The following DNAH6 variants were observed in gnomAD, a reference collection of about 807,000 sequenced individuals.
DNAH6 encodes the protein axonemal beta dynein heavy chain 6.
DNAH6 carries 340 observed loss-of-function variants against 491.4 expected under a neutral mutation model. That is an observed-to-expected ratio of 0.69 (90% CI 0.63 to 0.76). The LOEUF is 0.76. DNAH6 is among the 30% of genes least tolerant of loss of function. DNAH6 has a pLI of 0.00. For missense variants in DNAH6, 4,443 were observed against 4,972.2 expected (o/e 0.89, Z 3.20); for synonymous variants, 1,603 against 1,686.1 (o/e 0.95, Z 1.21).
intron 16 of DNAH6, among the ~76,000 whole-genome samples, chr2:84,589,811 C>T (rs747618412): frequency 7.3e-5 from 11 of 151,352 alleles, no homozygotes; most frequent in South Asian, 4.2e-4. Context: ...GTGCTTTCAA[C>T]GGCTTTTAGA....
intron 68 of DNAH6, among the ~76,000 whole-genome samples, chr2:84,792,022 AC>A (rs1192062084): frequency 1.5e-4 from 23 of 152,364 alleles, no homozygotes; most frequent in African/African-American, 5.3e-4. Context: ...TATCGTATAT[AC>A]ATACAATGGA....
At chr2:84,574,435 T>G (rs931352709) in intron 12 of DNAH6, among the ~76,000 whole-genome samples, 8 of 152,230 alleles carry the variant, frequency 5.3e-5, no homozygotes, top group African/African-American at 1.9e-4. Flanking sequence ...TATCTTAACT[T>G]ATTCCATTTT....
Position 84,808,471 on chromosome 2 carries a change from C to T in DNAH6, c.11668C>T (p.Arg3890Cys), listed in dbSNP as rs557825648. 7.4e-5 allele frequency: 115 copies of T among 1,549,970 alleles called. 2 individuals are homozygous for T. The South Asian group carries it at 8.5e-4, about 11-fold the overall frequency. Reference protein sequence around the residue: ...ESLFVKDLQGRLNSLTTVLGQ... With the variant: ...ESLFVKDLQGCLNSLTTVLGQ... ...CCTTTTTGTCAAGGATCTTCAAGGA[C>T]GTCTGAACTCCTTGACCACCGTTCT... Residue 3890 changes from arginine (R) to cysteine (C), a missense_variant, in exon 72 of 77, where the codon CGT (arginine) becomes TGT (cysteine). Arg to Cys is a radical substitution (Grantham distance 180). Around this residue, in one of 3 missense-constraint regions of DNAH6, gnomAD observed 1,463 missense variants for 1,656.6 expected, o/e 0.88. Transcript: ENST00000389394.
At chr2:84,626,190 A>G (rs1249547323) in intron 29 of DNAH6, among the ~76,000 whole-genome samples, 5 of 152,054 alleles carry the variant, frequency 3.3e-5, no homozygotes, top group Admixed American at 3.3e-4. Context: ...AACTGTAAAA[A>G]CATACATTTG....
intron 26 of DNAH6, 133 bp downstream of exon 26, chr2:84,621,684 A>G (rs759967158): frequency 4.8e-5 from 26 of 537,646 alleles, no homozygotes; most frequent in Non-Finnish European, 8.0e-5. Flanking sequence ...AGCTCTTACA[A>G]AGCTTTACAA....
At chr2:84,568,658 G>A (rs1362823508) in intron 11 of DNAH6, among the ~76,000 whole-genome samples, 2 of 152,006 alleles carry the variant, frequency 1.3e-5, no homozygotes, top group East Asian at 3.9e-4. Context: ...AACCACCATG[G>A]CATACATTTA....
In DNAH6 at chr2:84,767,583, A is replaced by T. The variant is rs575074227; in HGVS notation, c.10703+4638A>T. The stretch of plus-strand genomic sequence containing the variant: ...TTATAAGCGTATATATATATATATA[A>T]AACTGAAAGTAAGAATTCAATATAT... On this transcript the variant is annotated intron_variant, in intron 64 of 76. Transcript: ENST00000389394. Among the ~76,000 whole-genome samples, 12 of 152,144 alleles carry T rather than the reference A, an allele frequency of 7.9e-5. No individual in the cohort carries two copies. In the East Asian group the frequency reaches 2.1e-3, roughly 27 times the overall value.
chr2:84,783,668 G>A (rs1444321861), intron 65 of DNAH6, among the ~76,000 whole-genome samples: 1 of 152,212 alleles, frequency 6.6e-6, no homozygotes, highest in Admixed American at 6.5e-5. Flanking sequence ...TAAGGGCCTA[G>A]TGTACCATGT....
chr2:84,808,870 A>G (rs1252887613), intron 72 of DNAH6, among the ~76,000 whole-genome samples: 3 of 152,190 alleles, frequency 2.0e-5, no homozygotes, highest in East Asian at 3.9e-4. Flanking sequence ...CCTAATGTCT[A>G]GTTTGCATTT....
chr2:84,611,890 C>A (rs749528987), intron 22 of DNAH6, 36 bp downstream of exon 22: 2 of 1,529,634 alleles, frequency 1.3e-6, no homozygotes, highest in South Asian at 1.2e-5. Context: ...AAAAAGACTA[C>A]AATCTTTTAG....
chr2:84,783,474 CTT>C (rs936631509), intron 65 of DNAH6, among the ~76,000 whole-genome samples: 4 of 152,196 alleles, frequency 2.6e-5, no homozygotes, highest in Admixed American at 2.6e-4. Flanking sequence ...GGCCCTAAGA[CTT>C]TGGTTGTTGT....
Position 84,701,197 on chromosome 2 carries a change from A to G in DNAH6, c.7919A>G (p.Asn2640Ser). The G allele has an allele frequency of 1.3e-6, 2 of 1,551,792 alleles. No individual in the cohort carries two copies. Residue 2640 changes from asparagine (N) to serine (S), a missense_variant, in exon 49 of 77, where the codon AAC (asparagine) becomes AGC (serine). Asn to Ser is a conservative substitution (Grantham distance 46, BLOSUM62 1). This residue lies in a region of DNAH6 where 2,977 missense variants were observed against 3,296.6 expected (regional missense o/e 0.90). Transcript: ENST00000389394. ...LKEKLPLMCV[N>S]VHLSVSSMAE... ...GAAAAGCTTCCCTTGATGTGCGTGA[A>G]CGTTCACTTGAGTGTCTCCAGCATG...
chr2:84,736,263 C>T (rs984089350), intron 62 of DNAH6, among the ~76,000 whole-genome samples: 1 of 151,990 alleles, frequency 6.6e-6, no homozygotes, highest in Admixed American at 6.6e-5. Flanking sequence ...AGTATATTTA[C>T]ATGTTGAATA....
At chr2:84,567,258 G>T (rs181050805) in intron 11 of DNAH6, among the ~76,000 whole-genome samples, 1 of 151,604 alleles carries the variant, frequency 6.6e-6, no homozygotes, top group Non-Finnish European at 1.5e-5. Context: ...AAACTAGGTA[G>T]AAAAATGGTC....
At chr2:84,484,218 C>T in the DNAH6 span, among the ~76,000 whole-genome samples, 1 of 152,074 alleles carries the variant, frequency 6.6e-6, no homozygotes, top group Non-Finnish European at 1.5e-5. Flanking sequence ...GAAAGAAAAT[C>T]CAGGAAACCC....
the DNAH6 span, among the ~76,000 whole-genome samples, chr2:84,479,218 G>A: frequency 1.3e-5 from 2 of 152,228 alleles, no homozygotes; most frequent in Non-Finnish European, 2.9e-5. Context: ...TTTTAGAAAA[G>A]GCAACATTCA....
chr2:84,796,424 A>T lies in DNAH6; in HGVS notation c.11358A>T (p.Ser3786=), dbSNP rs538087225. ...TLEEDYKYSE[S]GIYFAPMADS... ...AAGAAGATTATAAATACTCTGAATC[A>T]GGTGAATGACTTTTCAATATTACAG... The change falls in exon 69 of 77, where the codon TCA becomes TCT. Residue 3786 remains serine, a splice_region_variant and synonymous_variant. Coordinates refer to ENST00000389394, the MANE Select transcript of DNAH6 (RefSeq NM_001370.2). The T allele has an allele frequency of 6.6e-7, 1 of 1,513,526 alleles. No individual in the cohort carries two copies. Among genetic ancestry groups the T allele is most frequent in the African/African-American group, 1.4e-5 (1 of 71,350 alleles). The allele number at this position is 1,513,526 out of a possible 1,614,324, so 93.8% of individuals were successfully genotyped here.
chr2:84,747,075 G>A (rs751005895), intron 63 of DNAH6, among the ~76,000 whole-genome samples: 16 of 152,038 alleles, frequency 1.1e-4, no homozygotes, highest in South Asian at 2.1e-4. Context: ...ATCACATTTC[G>A]ACATGAGATT....
intron 35 of DNAH6, 99 bp downstream of exon 35, chr2:84,654,881 A>G: frequency 7.5e-7 from 1 of 1,326,038 alleles, no homozygotes; most frequent in Non-Finnish European, 1.0e-6. Context: ...ATGGTTCTTG[A>G]TTGAGGGGAC....
Sources: gnomAD v4.1 joint callset for allele counts (sites outside exome capture counted in the v4.1 genomes callset) on GRCh38, gnomAD v4.1.1 for gene constraint, gnomAD v4.1.1 regional missense constraint, MANE v1.5 for transcripts, NCBI Gene and HGNC (gene_info 2026-07-23, HGNC 2026-07-21) for gene names.